The following ABCA3 variants were observed in gnomAD, a reference collection of about 807,000 sequenced individuals.
ABCA3 encodes the protein ATP binding cassette subfamily A member 3.
In ABCA3, 88 loss-of-function variants were observed where a neutral mutation model predicts 172.8. That is an observed-to-expected ratio of 0.51 (90% confidence interval 0.43 to 0.61). ABCA3 has a LOEUF of 0.61. Among genes scored for constraint, ABCA3 ranks in the 20% least tolerant of loss-of-function variants. The probability of loss-of-function intolerance (pLI) is 0.00; values close to 1 mark genes in which losing one functional copy is unlikely to be tolerated. For missense variants in ABCA3, 2,164 were observed against 2,301.0 expected, an observed-to-expected ratio of 0.94 and a Z score of 1.22; for synonymous variants, 1,066 against 983.8, an observed-to-expected ratio of 1.08 and a Z score of -1.56.
chr16:2,297,279 G>C lies in ABCA3; in HGVS notation c.2263+50C>G. ...CATGAAGGTAGCAGCCATTCCCTCA[G>C]CACGGCAGCCAGGACACCGACCCTG... On this transcript the variant is annotated intron_variant, in intron 17 of 32. Coordinates refer to ENST00000301732, the MANE Select transcript of ABCA3 (RefSeq NM_001089.3). The surrounding 1 kb of genome is among the most constrained non-coding windows in gnomAD (Gnocchi z 5.6). The C allele has an allele frequency of 1.3e-6, 2 of 1,593,492 alleles. No homozygotes were observed. Among genetic ancestry groups the C allele is most frequent in the East Asian group, 4.5e-5 (2 of 44,706 alleles).
chr16:2,333,129 G>T (rs1005803870), intron 1 of ABCA3, among the ~76,000 whole-genome samples: 5 of 152,172 alleles, frequency 3.3e-5, no homozygotes, highest in African/African-American at 1.2e-4. Context: ...CCTTTCAAAA[G>T]AAGTTTTTAT....
intron 10 of ABCA3, among the ~76,000 whole-genome samples, chr16:2,314,625 G>A (rs1426272396): frequency 2.0e-5 from 3 of 151,944 alleles, no homozygotes; most frequent in African/African-American, 4.8e-5. Flanking sequence ...TGCCCAGGCT[G>A]GAGTGCAGTG....
Position 2,284,332 on chromosome 16 carries a change from G to A in ABCA3, c.3809C>T (p.Thr1270Met), listed in dbSNP as rs768692618. The A allele has an allele frequency of 1.4e-5, 23 of 1,613,816 alleles. No individual in the cohort carries two copies. Among genetic ancestry groups the A allele is most frequent in the Middle Eastern group, 1.6e-4 (1 of 6,082 alleles). ...AVSSFYENYE[T>M]RRYCTSSEVA... ...CTCGGAGGAGGTGCAGTACCTCCGCGTCTCGTAGTTCTCGTAGAAACTGCT... is the reference window on the plus strand; with the variant it reads ...CTCGGAGGAGGTGCAGTACCTCCGCATCTCGTAGTTCTCGTAGAAACTGCT... The change falls in exon 25 of 33, where the codon ACG becomes ATG. Residue 1270 changes from threonine to methionine, a missense_variant. Physicochemically the swap from Thr to Met is moderately conservative, Grantham distance 81. Around this residue, in one of 3 missense-constraint regions of ABCA3, gnomAD observed 795 missense variants for 881.9 expected, o/e 0.90. Transcript: ENST00000301732. This position sits in a 1 kb window ranked among gnomAD's most constrained non-coding sequence, Gnocchi z 5.9.
Position 2,277,981 on chromosome 16 carries a change from TC to T in ABCA3, c.4806del (p.Ser1603AlafsTer31). The T allele has an allele frequency of 6.2e-7, 1 of 1,613,138 alleles. No homozygotes were observed. The highest frequency in any genetic ancestry group is 8.5e-7 in the Non-Finnish European group (1 of 1,179,986). On this transcript the variant is annotated frameshift_variant, in exon 31 of 33. Coordinates refer to ENST00000301732, the MANE Select transcript of ABCA3 (RefSeq NM_001089.3). LOFTEE classifies it high-confidence loss of function. The surrounding 1 kb of genome is among the most constrained non-coding windows in gnomAD (Gnocchi z 5.3). ...FKCLGSPQHL[K>X]SKFGSGYSLR... ...AGGGAGTAGCCGCTGCCGAACTTGC[TC>T]TTGAGGTGCTGGGGGCTGCCCAGGC...
Position 2,285,029 on chromosome 16 carries a change from A to G in ABCA3, c.3484-31T>C. ...GCGGCACAGGGAGGCGCTGCTGTGC[A>G]TGCCAAGCTGAGAGGAGCTCACGGG... is the stretch of plus-strand genomic sequence containing the variant. On this transcript the variant is annotated intron_variant, in intron 23 of 32. Transcript: ENST00000301732. The surrounding 1 kb of genome is among the most constrained non-coding windows in gnomAD (Gnocchi z 4.7). The G allele has an allele frequency of 6.2e-7, 1 of 1,604,568 alleles. No homozygotes were observed. Among genetic ancestry groups the G allele is most frequent in the Non-Finnish European group, 8.5e-7 (1 of 1,176,256 alleles).
intron 10 of ABCA3, among the ~76,000 whole-genome samples, chr16:2,316,370 C>T (rs184838589): frequency 5.6e-5 from 8 of 143,744 alleles, no homozygotes; most frequent in South Asian, 2.2e-4. Flanking sequence ...AAAGGCCAAG[C>T]GCAGTGGCTC....
At chr16:2,338,187 C>G (rs142410388) in intron 1 of ABCA3, among the ~76,000 whole-genome samples, 2 of 152,306 alleles carry the variant, frequency 1.3e-5, no homozygotes, top group East Asian at 3.9e-4. Context: ...CCCGCAAAGG[C>G]ACCTGTCTGC....
In ABCA3 at chr16:2,317,423, G is replaced by A. The variant is rs13332547; in HGVS notation, c.991-20C>T. The A allele has an allele frequency of 0.12, 196,703 of 1,612,662 alleles. 16,666 individuals are homozygous for A. Among genetic ancestry groups the A allele is most frequent in the East Asian group, 0.39 (17,469 of 44,814 alleles). On this transcript the variant is annotated intron_variant, in intron 9 of 32. Coordinates refer to ENST00000301732, the MANE Select transcript of ABCA3 (RefSeq NM_001089.3). ...CTTCACCTGCAGGGCACAGGCATGAGTCGGGCGTGGTGGGCCGGCAGAGGT... is the reference window on the plus strand; with the variant it reads ...CTTCACCTGCAGGGCACAGGCATGAATCGGGCGTGGTGGGCCGGCAGAGGT...
At chr16:2,299,920 G>A in intron 13 of ABCA3, 85 bp downstream of exon 13, 1 of 1,584,384 alleles carries the variant, frequency 6.3e-7, no homozygotes, top group Non-Finnish European at 8.6e-7. Context: ...GCGCCTGACG[G>A]GCTATGAGGT....
chr16:2,316,557 A>G (rs2141729014), intron 10 of ABCA3, among the ~76,000 whole-genome samples: 1 of 144,130 alleles, frequency 6.9e-6, no homozygotes, highest in South Asian at 2.2e-4. Flanking sequence ...ACACGCCTGT[A>G]ATCCCAGCTA....
At chr16:2,331,355 C>A (rs1163409307) in intron 1 of ABCA3, among the ~76,000 whole-genome samples, 1 of 152,282 alleles carries the variant, frequency 6.6e-6, no homozygotes, top group East Asian at 1.9e-4. Flanking sequence ...CATGCCACCA[C>A]GCCCGGCTAA....
intron 18 of ABCA3, 119 bp downstream of exon 18, chr16:2,295,471 G>T (rs2093678278): frequency 2.0e-6 from 3 of 1,484,506 alleles, no homozygotes; most frequent in Non-Finnish European, 2.8e-6. Flanking sequence ...GGGTCTAAGA[G>T]TGCCGACTGG....
At position 2,291,819 on chromosome 16, in the gene ABCA3, A is replaced by C. The variant is rs187272065; in HGVS notation, c.2513+321T>G. Among the ~76,000 whole-genome samples, 27 of 152,302 alleles carry C rather than the reference A, an allele frequency of 1.8e-4. No homozygotes were observed. The East Asian group carries it at 4.8e-3, about 27-fold the overall frequency. ...CTGAGCACGGTGCCTCACGCCTGTA[A>C]TACCAGCACTTTGGGAGGCCAAGGT... On this transcript the variant is annotated intron_variant, in intron 19 of 32. Transcript: ENST00000301732.
chr16:2,305,904 C>T (rs187419151), intron 11 of ABCA3, among the ~76,000 whole-genome samples: 24 of 152,224 alleles, frequency 1.6e-4, no homozygotes, highest in African/African-American at 5.5e-4. Context: ...TGTTTCTCAT[C>T]ATCTCTCTGG....
At chr16:2,320,679 G>C (rs1465616449) in intron 7 of ABCA3, among the ~76,000 whole-genome samples, 1 of 152,036 alleles carries the variant, frequency 6.6e-6, no homozygotes, top group Non-Finnish European at 1.5e-5. Flanking sequence ...TGACAGGTGT[G>C]AGCCACTGCG....
chr16:2,287,034 A>C lies in ABCA3; in HGVS notation c.3005-67T>G. The C allele has an allele frequency of 6.4e-7, 1 of 1,553,328 alleles. No individual in the cohort carries two copies. The highest frequency in any genetic ancestry group is 8.7e-7 in the Non-Finnish European group (1 of 1,144,988). On this transcript the variant is annotated intron_variant, in intron 21 of 32. Coordinates refer to ENST00000301732, the MANE Select transcript of ABCA3 (RefSeq NM_001089.3). This position sits in a 1 kb window ranked among gnomAD's most constrained non-coding sequence, Gnocchi z 4.1. ...ACACCTGGGCACCCCCTGCCACCTG[A>C]GCATGGCTAATCAGGGACCCAATAG...
chr16:2,318,088 C>T (rs566081835), intron 8 of ABCA3, among the ~76,000 whole-genome samples: 7 of 152,342 alleles, frequency 4.6e-5, no homozygotes, highest in Non-Finnish European at 7.3e-5. Flanking sequence ...CTACGTCAGG[C>T]GGCAGGAGCC....
rs552952266 is a variant in ABCA3 at position 2,295,240 on chromosome 16, C to G, written c.2414+350G>C. Among the ~76,000 whole-genome samples the G allele has an allele frequency of 6.6e-5, 10 of 152,336 alleles. No homozygotes were observed. The South Asian group carries it at 1.7e-3, about 25-fold the overall frequency. ...CAAATTCACCACCCACATACAAATA[C>G]AGACTCGGTTTCACGAGTAGTTCTG... On this transcript the variant is annotated intron_variant, in intron 18 of 32. Coordinates refer to ENST00000301732, the MANE Select transcript of ABCA3 (RefSeq NM_001089.3).
intron 11 of ABCA3, among the ~76,000 whole-genome samples, chr16:2,305,282 C>T (rs558030421): frequency 3.9e-5 from 6 of 152,048 alleles, no homozygotes; most frequent in African/African-American, 9.6e-5. Context: ...TACGGGAGCA[C>T]GTCACCACAC....
Sources: gnomAD v4.1 joint callset for allele counts (sites outside exome capture counted in the v4.1 genomes callset) on GRCh38, gnomAD v4.1.1 for gene constraint, gnomAD v4.1.1 regional missense constraint, Gnocchi (gnomAD v3.1) non-coding constraint, MANE v1.5 for transcripts, NCBI Gene and HGNC (gene_info 2026-07-23, HGNC 2026-07-21) for gene names.